MUC4: variants seen among roughly 807,000 people sequenced by gnomAD.
MUC4 encodes mucin 4, cell surface associated.
A neutral mutation model predicts 257.9 loss-of-function variants in MUC4; 202 were observed. That is an observed-to-expected ratio of 0.78 (90% confidence interval 0.70 to 0.88). The LOEUF is 0.88. Ranked by LOEUF, MUC4 falls within the 40% of genes least tolerant of loss-of-function variation. The probability of loss-of-function intolerance (pLI) is 0.00; values close to 1 mark genes in which losing one functional copy is unlikely to be tolerated. For synonymous variants in MUC4, 2,351 were observed against 2,757.1 expected, an observed-to-expected ratio of 0.85 and a Z score of 4.62; for missense variants, 5,976 against 6,513.7, an observed-to-expected ratio of 0.92 and a Z score of 2.84.
rs1167403273 is a variant in MUC4, at chr3:195,762,088, C to G, written c.14511G>C (p.Leu4837=). Residue 4837 remains leucine (L), a splice_region_variant and synonymous_variant, in exon 14 of 25, where the codon CTG becomes CTC. Coordinates refer to ENST00000463781, the MANE Select transcript of MUC4 (RefSeq NM_018406.7). The part of the protein sequence containing the change: ...PEYQNRTEGL[L]GVWNNNPEDD... ...GAGGCAGGTCCGAGCCGCCCTCACC[C>G]AGGAGCCCCTCCGTGCGGTTCTGGT... 3.1e-6 allele frequency: 5 copies of G among 1,593,302 alleles called. No homozygotes were observed. Among genetic ancestry groups the G allele is most frequent in the Non-Finnish European group, 4.3e-6 (5 of 1,173,602 alleles).
Position 195,747,029 on chromosome 3 carries a change from G to T in MUC4, c.*147C>A. 3 of 1,162,110 alleles carry T rather than the reference G, an allele frequency of 2.6e-6. No individual in the cohort carries two copies. Among genetic ancestry groups the T allele is most frequent in the Non-Finnish European group, 3.7e-6 (3 of 808,956 alleles). 72.0% of individuals were successfully genotyped at this position (1,162,110 alleles called of 1,614,324 possible). ...GCGCCTATGGATAAGGTATAGTCTTGTCTTGATTCCCAGTATTCATTCTCC... is the reference window on the plus strand; with the variant it reads ...GCGCCTATGGATAAGGTATAGTCTTTTCTTGATTCCCAGTATTCATTCTCC... On this transcript the variant is annotated 3_prime_UTR_variant, in exon 25 of 25. Transcript: ENST00000463781.
Position 195,786,520 on chromosome 3 carries a change from G to A in MUC4, c.5060C>T (p.Ser1687Phe). ...HATPLPVTGLSSATTDDTTRL... is the reference protein window; with the variant it reads ...HATPLPVTGLFSATTDDTTRL... Reference sequence around the variant, plus strand: ...GGTGGTGTCATCTGTGGTAGCTGAGGAAAGGCCGGTGACAGGAAGAGGGGT... The same window carrying A: ...GGTGGTGTCATCTGTGGTAGCTGAGAAAAGGCCGGTGACAGGAAGAGGGGT... The change falls in exon 2 of 25, where the codon TCC becomes TTC. Residue 1687 changes from serine (S) to phenylalanine (F), a missense_variant. Transcript: ENST00000463781. The A allele has an allele frequency of 6.6e-7, 1 of 1,510,628 alleles. No individual in the cohort carries two copies. Among genetic ancestry groups the A allele is most frequent in the Non-Finnish European group, 8.9e-7 (1 of 1,122,266 alleles). 93.6% of individuals were successfully genotyped at this position (1,510,628 alleles called of 1,614,324 possible).
In MUC4 at chr3:195,763,588, A is replaced by C; in HGVS notation, c.14098T>G (p.Phe4700Val). Residue 4700 changes from phenylalanine to valine, a missense_variant, in exon 12 of 25, where the codon TTC becomes GTC. Transcript: ENST00000463781. ...AGCAGGAAGTCCCCCAGCCCATTGAAGGTGTAACTGACACCATCCAAGGTG... is the reference window on the plus strand; with the variant it reads ...AGCAGGAAGTCCCCCAGCCCATTGACGGTGTAACTGACACCATCCAAGGTG... ...ITTLDGVSYT[F>V]NGLGDFLLVG... 1 of 1,594,660 alleles carries C rather than the reference A, an allele frequency of 6.3e-7. No homozygotes were observed. Among genetic ancestry groups the C allele is most frequent in the South Asian group, 1.1e-5 (1 of 87,876 alleles).
rs1730221717 is a variant in MUC4 at position 195,784,392 on chromosome 3, A to T, written c.7188T>A (p.Gly2396=). Reference sequence around the variant, plus strand: ...CGGTGACAGGAAGAGGGGTGGTGTCACCTGTGGATGCTGAGGAAGCGTCGG... The same window carrying T: ...CGGTGACAGGAAGAGGGGTGGTGTCTCCTGTGGATGCTGAGGAAGCGTCGG... ...PVTDASSAST[G]DTTPLPVTDT... Residue 2396 remains glycine (G), a synonymous_variant, in exon 2 of 25, where the codon GGT becomes GGA. Coordinates refer to ENST00000463781, the MANE Select transcript of MUC4 (RefSeq NM_018406.7). 1 of 1,488,096 alleles carries T rather than the reference A, an allele frequency of 6.7e-7. No homozygotes were observed. Among genetic ancestry groups the T allele is most frequent in the African/African-American group, 1.5e-5 (1 of 65,386 alleles). 92.2% of individuals were successfully genotyped at this position (1,488,096 alleles called of 1,614,324 possible). A position where few individuals can be genotyped will look rare whatever the true frequency, so the allele number is the denominator to read the frequency against.
chr3:195,759,407 T>G (rs1353262681), intron 16 of MUC4, 146 bp from the exon 17 acceptor site: 1 of 1,143,074 alleles, frequency 8.7e-7, no homozygotes, highest in African/African-American at 1.5e-5. Flanking sequence ...GTGTACCTGC[T>G]CTCGACTGAC....
chr3:195,798,569 T>C (rs1233234650), intron 1 of MUC4, among the ~76,000 whole-genome samples: 1 of 151,696 alleles, frequency 6.6e-6, no homozygotes, highest in Non-Finnish European at 1.5e-5. Context: ...CCGGGCGTGG[T>C]GGCGGGCGCC....
chr3:195,763,132 G>A (rs927506680), intron 12 of MUC4, among the ~76,000 whole-genome samples, 187 bp from the exon 13 acceptor site: 1 of 152,348 alleles, frequency 6.6e-6, no homozygotes, highest in Non-Finnish European at 1.5e-5. Flanking sequence ...CATGGTTTTC[G>A]GATTATGCCC....
At chr3:195,767,039 A>G (rs1376619657) in intron 7 of MUC4, among the ~76,000 whole-genome samples, 3 of 152,084 alleles carry the variant, frequency 2.0e-5, no homozygotes, top group Non-Finnish European at 4.4e-5. Context: ...AAAACAACAG[A>G]GTTCAGGCCT....
rs1033036147 is a variant in MUC4, at chr3:195,762,862, G to T, written c.14337C>A (p.Asp4779Glu). The T allele has an allele frequency of 1.7e-5, 27 of 1,562,112 alleles. No individual in the cohort carries two copies. Among genetic ancestry groups the T allele is most frequent in the Non-Finnish European group, 2.3e-5 (27 of 1,155,032 alleles). ...QTVTFQPDHE[D>E]GGGQETFNAT... ...CGGCGCTCCCCAACCTACCTCCGCC[G>T]TCTTCATGGTCAGGCTGAAATGTCA... Residue 4779 changes from aspartate (D) to glutamate (E), a missense_variant, in exon 13 of 25, where the codon GAC becomes GAA. By Grantham distance (45) the Asp-to-Glu change is conservative. Transcript: ENST00000463781.
At chr3:195,775,413 TACCTTCCACACC>T (rs1724216858) in intron 3 of MUC4, among the ~76,000 whole-genome samples, 2 of 117,012 alleles carry the variant, frequency 1.7e-5, no homozygotes, top group Non-Finnish European at 3.9e-5. Context: ...TCCACACCCA[TACCTTCCACACC>T]CATACCTTCC....
chr3:195,797,478 G>T (rs1734714618), intron 1 of MUC4, among the ~76,000 whole-genome samples: 1 of 152,104 alleles, frequency 6.6e-6, no homozygotes, highest in Non-Finnish European at 1.5e-5. Flanking sequence ...AAACTAAAAA[G>T]AGACGTTAAC....
rs142925840 is a variant in MUC4, at chr3:195,764,877, G to A, written c.13924+120C>T. On this transcript the variant is annotated intron_variant, in intron 10 of 24. Coordinates refer to ENST00000463781, the MANE Select transcript of MUC4 (RefSeq NM_018406.7). The stretch of plus-strand genomic sequence containing the variant: ...TGTTGGAAGCTTCCTAACGTTACCC[G>A]ATCAGGAAGTGGAGGCCCAGAGAGG... 3.0e-4 allele frequency: 424 copies of A among 1,399,052 alleles called. 1 individual carries two copies. In the African/African-American group the frequency reaches 4.4e-3, roughly 15 times the overall value. 86.7% of individuals were successfully genotyped at this position (1,399,052 alleles called of 1,614,324 possible).
chr3:195,789,514 A>G lies in MUC4; in HGVS notation c.2066T>C (p.Ile689Thr), dbSNP rs1214223045. The G allele has an allele frequency of 6.2e-7, 1 of 1,613,820 alleles. No homozygotes were observed. The highest frequency in any genetic ancestry group is 2.2e-5 in the East Asian group (1 of 44,864). The part of the protein sequence containing the change: ...SEIVPQDAPT[I>T]SAATTFAPAP... The stretch of plus-strand genomic sequence containing the variant: ...TGGGGCAAAGGTTGTTGCTGCACTT[A>G]TGGTGGGTGCGTCCTGAGGAACAAT... Residue 689 changes from isoleucine to threonine, a missense_variant, in exon 2 of 25, where the codon ATA becomes ACA. Transcript: ENST00000463781.
In MUC4 at chr3:195,767,498, TCAC is replaced by T. The variant is rs1265774617; in HGVS notation, c.13530-750_13530-748del. Among the ~76,000 whole-genome samples, 131 of 63,522 alleles carry T rather than the reference TCAC, an allele frequency of 2.1e-3. 2 individuals carry two copies. The East Asian group carries it at 0.05, about 24-fold the overall frequency. The allele number at this position is 63,522 out of a possible 152,430, so 41.7% of individuals were successfully genotyped here. A position where few individuals can be genotyped will look rare whatever the true frequency, so the allele number is the denominator to read the frequency against. ...ATCACCATCACCACCACCATCACCA[TCAC>T]CACCACCATCACCATCACCACCACC... On this transcript the variant is annotated intron_variant, in intron 7 of 24. Transcript: ENST00000463781.
rs1717863411 is a variant in MUC4 at position 195,757,334 on chromosome 3, C to T, written c.14987-6G>A. ...CCACAGCAACGTCCCATTCTCTGCC[C>T]CGGGGAAGATGAGAATGTTGAGAGC... On this transcript the variant is annotated splice_region_variant and splice_polypyrimidine_tract_variant and intron_variant, in intron 17 of 24. Transcript: ENST00000463781. This position sits in a 1 kb window ranked among gnomAD's most constrained non-coding sequence, Gnocchi z 4.8. 1 of 1,586,420 alleles carries T rather than the reference C, an allele frequency of 6.3e-7. No homozygotes were observed. The highest frequency in any genetic ancestry group is 1.3e-5 in the African/African-American group (1 of 74,460).
At chr3:195,770,034 C>T (rs1279580699) in intron 6 of MUC4, among the ~76,000 whole-genome samples, 182 bp downstream of exon 6, 3 of 140,970 alleles carry the variant, frequency 2.1e-5, no homozygotes, top group South Asian at 2.4e-4. Context: ...CGAGACAGGC[C>T]GGGCCCACGG....
At chr3:195,770,632 A>G in intron 5 of MUC4, 1 of 550,078 alleles carries the variant, frequency 1.8e-6, no homozygotes, top group Non-Finnish European at 3.3e-6. Context: ...CAAGCATCTT[A>G]GCTCAAACTG....
intron 1 of MUC4, 35 bp downstream of exon 1, chr3:195,811,701 C>A (rs779619042): frequency 6.2e-7 from 1 of 1,606,424 alleles, no homozygotes; most frequent in South Asian, 1.1e-5. Context: ...AAGTGCTCCC[C>A]GCAGCCAGCC....
chr3:195,781,220 T>C lies in MUC4; in HGVS notation c.10360A>G (p.Thr3454Ala), dbSNP rs62282474. The C allele has an allele frequency of 0.21, 279,685 of 1,335,726 alleles. 48,387 individuals are homozygous for C. The highest frequency in any genetic ancestry group is 0.39 in the African/African-American group (14,090 of 36,220). 82.7% of individuals were successfully genotyped at this position (1,335,726 alleles called of 1,614,324 possible). The part of the protein sequence containing the change: ...TSTSSASTGH[T>A]TPLPVTDTSS... ...GTGTCGGTGACAGGAAGAGGGGTGG[T>C]GTGACCTGTAGATGCTGAGGAAGTG... is the stretch of plus-strand genomic sequence containing the variant. The change falls in exon 2 of 25, where the codon ACC (threonine) becomes GCC (alanine). Residue 3454 changes from threonine to alanine, a missense_variant. Physicochemically the swap from Thr to Ala is moderately conservative, Grantham distance 58. Around this residue, in one of 44 missense-constraint regions of MUC4, gnomAD observed 297 missense variants for 240.9 expected, o/e 1.23. Coordinates refer to ENST00000463781, the MANE Select transcript of MUC4 (RefSeq NM_018406.7).
Sources: allele counts gnomAD v4.1 joint callset (sites outside exome capture counted in the v4.1 genomes callset), GRCh38; gene constraint gnomAD v4.1.1; regional missense constraint gnomAD v4.1.1; non-coding constraint Gnocchi (gnomAD v3.1); transcripts MANE v1.5; gene names NCBI Gene and HGNC (gene_info 2026-07-23, HGNC 2026-07-21).